Variants in TMEM201 observed in about 807,000 individuals in gnomAD.
The protein encoded by TMEM201 is RP13-15M17.2.
TMEM201 carries 26 observed loss-of-function variants against 63.4 expected under a neutral mutation model. The ratio of observed to expected loss-of-function variants is 0.41; its 90% CI spans 0.30 to 0.57. The LOEUF (loss-of-function observed/expected upper bound fraction) is 0.57. Among genes scored for constraint, TMEM201 ranks in the 20% least tolerant of loss-of-function variants. The probability of loss-of-function intolerance (pLI) is 0.29; values close to 1 mark genes in which losing one functional copy is unlikely to be tolerated. For synonymous variants in TMEM201, 417 were observed against 421.6 expected (o/e 0.99, Z 0.14); for missense variants, 794 against 917.7 (o/e 0.87, Z 1.74).
intron 10 of TMEM201, among the ~76,000 whole-genome samples, chr1:9,612,661 C>G (rs1569968342): frequency 6.6e-6 from 1 of 152,206 alleles, no homozygotes; most frequent in Non-Finnish European, 1.5e-5. Context: ...CTCCTGTTCC[C>G]AGCCCCCATG....
intron 1 of TMEM201, among the ~76,000 whole-genome samples, chr1:9,592,113 C>T (rs979235999): frequency 2.6e-5 from 4 of 152,226 alleles, no homozygotes; most frequent in African/African-American, 9.6e-5. Flanking sequence ...GCTGTGGATT[C>T]AAGTATGTTT....
chr1:9,590,518 G>A (rs1396021482), intron 1 of TMEM201, among the ~76,000 whole-genome samples: 2 of 152,164 alleles, frequency 1.3e-5, no homozygotes, highest in African/African-American at 4.8e-5. Context: ...ACACACTGCA[G>A]CTGTCCTCAG....
At chr1:9,611,967 G>T in intron 10 of TMEM201, 77 bp downstream of exon 10, 2 of 1,433,926 alleles carry the variant, frequency 1.4e-6, no homozygotes, top group Non-Finnish European at 9.2e-7. Flanking sequence ...GGGGTCCAGA[G>T]CACTGACAGA....
chr1:9,611,903 A>G lies in TMEM201; in HGVS notation c.1903+13A>G. ...GCCACCTGGAGAGGTCTGTACCCTG[A>G]GGTGCGGGAGGGGAGGGGGTGGGCA... On this transcript the variant is annotated intron_variant, in intron 10 of 10. Transcript: ENST00000340381. The G allele has an allele frequency of 3.8e-6, 5 of 1,326,848 alleles. No individual in the cohort carries two copies. Among genetic ancestry groups the G allele is most frequent in the African/African-American group, 1.5e-5 (1 of 67,072 alleles). The allele number at this position is 1,326,848 out of a possible 1,614,324, so 82.2% of individuals were successfully genotyped here. A position where few individuals can be genotyped will look rare whatever the true frequency, so the allele number is the denominator to read the frequency against.
In TMEM201 at chr1:9,605,284, C is replaced by G. The variant is rs1569949304; in HGVS notation, c.1161-2273C>G. ...CTCCGGCACTCCCCAGAGCCAGCAT[C>G]CAGGCCTGATCCTGGTCACTTAGTC... On this transcript the variant is annotated intron_variant, in intron 6 of 10. Transcript: ENST00000340381. The surrounding 1 kb of genome is among the most constrained non-coding windows in gnomAD (Gnocchi z 5.7). Among the ~76,000 whole-genome samples, 1 of 152,186 alleles carries G rather than the reference C, an allele frequency of 6.6e-6. No individual in the cohort carries two copies. Among genetic ancestry groups the G allele is most frequent in the South Asian group, 2.1e-4 (1 of 4,830 alleles).
At chr1:9,595,425 C>T (rs1284913224) in intron 1 of TMEM201, among the ~76,000 whole-genome samples, 2 of 152,112 alleles carry the variant, frequency 1.3e-5, no homozygotes, top group Admixed American at 1.3e-4. Context: ...TGGGGCGCAC[C>T]CTTTCTGCAG....
Position 9,610,809 on chromosome 1 carries a change from C to T in TMEM201, c.1765+4C>T, listed in dbSNP as rs1376953203. 7 of 1,534,248 alleles carry T rather than the reference C, an allele frequency of 4.6e-6. No homozygotes were observed. The highest frequency in any genetic ancestry group is 6.2e-6 in the Non-Finnish European group (7 of 1,136,512). ...CAGGACGTGAAGCACGCCCTGGGTA[C>T]GGCCTTCTGACCACCCCAAGGGGCC... On this transcript the variant is annotated splice_donor_region_variant and intron_variant, in intron 9 of 10. Coordinates refer to ENST00000340381, the MANE Select transcript of TMEM201 (RefSeq NM_001130924.3). This position sits in a 1 kb window ranked among gnomAD's most constrained non-coding sequence, Gnocchi z 4.9.
At chr1:9,593,565 G>A (rs1199816717) in intron 1 of TMEM201, among the ~76,000 whole-genome samples, 2 of 152,182 alleles carry the variant, frequency 1.3e-5, no homozygotes, top group South Asian at 2.1e-4. Flanking sequence ...CTTCCGGGCC[G>A]CCTCATTCTA....
In TMEM201 at chr1:9,611,811, G is replaced by A. The variant is rs779608101; in HGVS notation, c.1824G>A (p.Glu608=). ...SACSNRSIKK[E]DDSSQSSTCV... is the part of the protein sequence containing the mutation. Reference sequence around the variant, plus strand: ...GCAGCAACCGCTCCATCAAGAAAGAGGACGACTCTTCCCAGTCATCTACCT... The same window carrying A: ...GCAGCAACCGCTCCATCAAGAAAGAAGACGACTCTTCCCAGTCATCTACCT... The change falls in exon 10 of 11, where the codon GAG becomes GAA. Residue 608 remains glutamate (E), a synonymous_variant. Coordinates refer to ENST00000340381, the MANE Select transcript of TMEM201 (RefSeq NM_001130924.3). 35 of 1,551,106 alleles carry A rather than the reference G, an allele frequency of 2.3e-5. No homozygotes were observed. The highest frequency in any genetic ancestry group is 3.1e-5 in the Non-Finnish European group (35 of 1,147,034).
At position 9,600,408 on chromosome 1, in the gene TMEM201, C is replaced by T. The variant is rs533459249; in HGVS notation, c.607-697C>T. On this transcript the variant is annotated intron_variant, in intron 4 of 10. Transcript: ENST00000340381. ...TAAATGGGTCCAGGGCTTAGGAGTGCACCACCAAGGCTGCTAGGAGGACGA... is the reference window on the plus strand; with the variant it reads ...TAAATGGGTCCAGGGCTTAGGAGTGTACCACCAAGGCTGCTAGGAGGACGA... Among the ~76,000 whole-genome samples, 5 of 152,246 alleles carry T rather than the reference C, an allele frequency of 3.3e-5. 1 individual carries two copies. In the East Asian group the frequency reaches 5.8e-4, roughly 18 times the overall value.
chr1:9,590,924 C>T (rs985251975), intron 1 of TMEM201, among the ~76,000 whole-genome samples: 6 of 152,180 alleles, frequency 3.9e-5, no homozygotes, highest in African/African-American at 1.4e-4. Context: ...TTGAATGACC[C>T]TCGGGAGGGC....
chr1:9,607,598 C>G lies in TMEM201; in HGVS notation c.1202C>G (p.Pro401Arg). 1 of 1,551,638 alleles carries G rather than the reference C, an allele frequency of 6.4e-7. No homozygotes were observed. The highest frequency in any genetic ancestry group is 8.7e-7 in the Non-Finnish European group (1 of 1,146,946). ...GDSAGLFPTS[P>R]SLAIPHPSVG... ...TCTGCCGGCCTTTTCCCCACCAGCC[C>G]CAGCTTGGCCATCCCTCACCCGAGT... The change falls in exon 7 of 11, where the codon CCC becomes CGC. Residue 401 changes from proline (P) to arginine (R), a missense_variant. Transcript: ENST00000340381. The surrounding 1 kb of genome is among the most constrained non-coding windows in gnomAD (Gnocchi z 5.4).
rs1128651 is a variant in TMEM201, at chr1:9,604,764, T to A, written c.1160+2492T>A. On this transcript the variant is annotated intron_variant, in intron 6 of 10. Coordinates refer to ENST00000340381, the MANE Select transcript of TMEM201 (RefSeq NM_001130924.3). The surrounding 1 kb of genome is among the most constrained non-coding windows in gnomAD (Gnocchi z 4.1). ...AGCCTCCACGCCGCACCTGCCACAT[T>A]CAGCCCTGCCCAGGAAGGAACACAT... The A allele has an allele frequency of 4.1e-6, 4 of 985,606 alleles. No homozygotes were observed. The highest frequency in any genetic ancestry group is 1.8e-5 in the African/African-American group (1 of 57,040). The allele number at this position is 985,606 out of a possible 1,614,324, so 61.1% of individuals were successfully genotyped here.
Position 9,610,365 on chromosome 1 carries a change from A to G in TMEM201, c.1466-141A>G, listed in dbSNP as rs947683548. 23 of 879,174 alleles carry G rather than the reference A, an allele frequency of 2.6e-5. 1 individual carries two copies. In the African/African-American group the frequency reaches 3.7e-4, roughly 14 times the overall value. The allele number at this position is 879,174 out of a possible 1,614,324, so 54.5% of individuals were successfully genotyped here. The stretch of plus-strand genomic sequence containing the variant: ...ACCTCTCCTCCTTCAGCTTTGCAGC[A>G]GGACTTCCCCCTGTCCCCAGTCTCT... On this transcript the variant is annotated intron_variant, in intron 8 of 10. Coordinates refer to ENST00000340381, the MANE Select transcript of TMEM201 (RefSeq NM_001130924.3). This position sits in a 1 kb window ranked among gnomAD's most constrained non-coding sequence, Gnocchi z 4.9.
In TMEM201 at chr1:9,604,500, G is replaced by A. The variant is rs1644207010; in HGVS notation, c.1160+2228G>A. 1.0e-6 allele frequency: 1 copy of A among 985,482 alleles called. No homozygotes were observed. Among genetic ancestry groups the A allele is most frequent in the Non-Finnish European group, 1.2e-6 (1 of 829,956 alleles). 61.0% of individuals were successfully genotyped at this position (985,482 alleles called of 1,614,324 possible). On this transcript the variant is annotated intron_variant, in intron 6 of 10. Transcript: ENST00000340381. The surrounding 1 kb of genome is among the most constrained non-coding windows in gnomAD (Gnocchi z 4.1). ...CAGCTGAGAGAGTGCAGGCACCACTGTGTTGTGGCTTGTTGACCGGGAATG... is the reference window on the plus strand; with the variant it reads ...CAGCTGAGAGAGTGCAGGCACCACTATGTTGTGGCTTGTTGACCGGGAATG...
chr1:9,612,611 T>A (rs1342043373), intron 10 of TMEM201, among the ~76,000 whole-genome samples: 2 of 152,246 alleles, frequency 1.3e-5, no homozygotes, highest in African/African-American at 4.8e-5. Context: ...CAGGTGGACC[T>A]GGGTTGGCTG....
At position 9,611,802 on chromosome 1, in the gene TMEM201, CAAG is replaced by C. The variant is rs1644327800; in HGVS notation, c.1818_1820del (p.Lys607del). The C allele has an allele frequency of 1.9e-6, 3 of 1,551,142 alleles. No homozygotes were observed. In the Admixed American group the frequency reaches 5.9e-5, roughly 30 times the overall value. On this transcript the variant is annotated inframe_deletion, in exon 10 of 11. Transcript: ENST00000340381. ...GCAGTGCCTGCAGCAACCGCTCCAT[CAAG>C]AAAGAGGACGACTCTTCCCAGTCAT...
rs1644352977 is a variant in TMEM201 at position 9,613,509 on chromosome 1, C to T, written c.*426C>T. On this transcript the variant is annotated 3_prime_UTR_variant, in exon 11 of 11. Coordinates refer to ENST00000340381, the MANE Select transcript of TMEM201 (RefSeq NM_001130924.3). ...AGTCACATCTTTGTACTGTACTCCC[C>T]TGTCTCACCTGGGGCAACCTCAGAG... is the stretch of plus-strand genomic sequence containing the variant. 5.5e-6 allele frequency: 1 copy of T among 183,480 alleles called. No homozygotes were observed. The highest frequency in any genetic ancestry group is 1.1e-5 in the Non-Finnish European group (1 of 87,864). The allele number at this position is 183,480 out of a possible 1,614,324, so 11.4% of individuals were successfully genotyped here.
Position 9,601,292 on chromosome 1 carries a change from C to G in TMEM201, c.794C>G (p.Thr265Ser), listed in dbSNP as rs1255090087. ...TCAGCCACACCTGACAATGGCACCA[C>G]CCCTGGGGCCGAGGGCTGGCGGCAG... is the stretch of plus-strand genomic sequence containing the variant. Reference protein sequence around the residue: ...NGSATPDNGTTPGAEGWRQLL... With the variant: ...NGSATPDNGTSPGAEGWRQLL... The change falls in exon 5 of 11, where the codon ACC (threonine) becomes AGC (serine). Residue 265 changes from threonine (T) to serine (S), a missense_variant. Thr to Ser is a moderately conservative substitution (Grantham distance 58). Coordinates refer to ENST00000340381, the MANE Select transcript of TMEM201 (RefSeq NM_001130924.3). 1 of 1,610,314 alleles carries G rather than the reference C, an allele frequency of 6.2e-7. No homozygotes were observed. Among genetic ancestry groups the G allele is most frequent in the Non-Finnish European group, 8.5e-7 (1 of 1,179,846 alleles).
Sources: gnomAD v4.1 joint callset for allele counts (sites outside exome capture counted in the v4.1 genomes callset) on GRCh38, gnomAD v4.1.1 for gene constraint, Gnocchi (gnomAD v3.1) non-coding constraint, MANE v1.5 for transcripts, NCBI Gene and HGNC (gene_info 2026-07-23, HGNC 2026-07-21) for gene names.